SIL1: variants seen among roughly 807,000 people sequenced by gnomAD.
SIL1 encodes the protein nucleotide exchange factor SIL1.
Under a neutral mutation model 49.1 loss-of-function variants are expected in SIL1, and 40 were observed. That is an observed-to-expected ratio of 0.81 (90% CI 0.63 to 1.06). The LOEUF is 1.06. SIL1 is among the 50% of genes least tolerant of loss of function. The pLI, the probability that SIL1 is intolerant of heterozygous loss-of-function variation, is 0.00. For missense variants in SIL1, 500 were observed against 572.6 expected (o/e 0.87, Z 1.29); for synonymous variants, 253 against 250.8 (o/e 1.01, Z -0.08).
At chr5:139,112,001 C>T (rs1023083112) in intron 3 of SIL1, among the ~76,000 whole-genome samples, 7 of 152,258 alleles carry the variant, frequency 4.6e-5, no homozygotes, top group African/African-American at 1.7e-4. Context: ...CGCGCCGCCA[C>T]GCCTGACTGG....
At chr5:139,155,791 C>T (rs1234279926) in intron 1 of SIL1, among the ~76,000 whole-genome samples, 2 of 151,930 alleles carry the variant, frequency 1.3e-5, no homozygotes, top group African/African-American at 4.8e-5. Context: ...CCCCAGGGCA[C>T]AGGAGGCCAA....
chr5:139,142,478 G>A (rs1416571506), intron 1 of SIL1, among the ~76,000 whole-genome samples: 2 of 152,046 alleles, frequency 1.3e-5, no homozygotes, highest in African/African-American at 4.8e-5. Flanking sequence ...ATACAAGAGT[G>A]GCTCAACATA....
At chr5:139,148,846 C>T (rs1751241807) in intron 1 of SIL1, among the ~76,000 whole-genome samples, 1 of 152,188 alleles carries the variant, frequency 6.6e-6, no homozygotes, top group Non-Finnish European at 1.5e-5. Context: ...TCTATTTTGC[C>T]TAAAGGGCTT....
chr5:139,132,574 G>A (rs1196503016), intron 1 of SIL1, among the ~76,000 whole-genome samples: 2 of 152,182 alleles, frequency 1.3e-5, no homozygotes, highest in Admixed American at 1.3e-4. Context: ...AGAGGGATGG[G>A]GAGATTGAGA....
intron 3 of SIL1, among the ~76,000 whole-genome samples, chr5:139,082,399 A>G (rs1278642986): frequency 6.6e-6 from 1 of 152,202 alleles, no homozygotes; most frequent in African/African-American, 2.4e-5. Flanking sequence ...AATCCTGACT[A>G]GCTGTCAACA....
In SIL1 at chr5:139,193,604, A is replaced by G. The variant is rs538128103; in HGVS notation, c.-11+4665T>C. On this transcript the variant is annotated intron_variant, in intron 1 of 9. Transcript: ENST00000394817. ...CCACTGGGGAGTAGACAATTAAGGG[A>G]AAAAAAGTCTCAAAATATGATAATG... Among the ~76,000 whole-genome samples, 12 of 152,284 alleles carry G rather than the reference A, an allele frequency of 7.9e-5. No homozygotes were observed. In the South Asian group the frequency reaches 1.9e-3, roughly 24 times the overall value.
At chr5:139,030,441 T>C (rs962140712) in intron 5 of SIL1, among the ~76,000 whole-genome samples, 2 of 151,642 alleles carry the variant, frequency 1.3e-5, no homozygotes, top group Non-Finnish European at 2.9e-5. Flanking sequence ...CATACCACTG[T>C]ACTCCCGTGT....
At chr5:139,058,260 G>A (rs1392187927) in intron 3 of SIL1, among the ~76,000 whole-genome samples, 1 of 151,982 alleles carries the variant, frequency 6.6e-6, no homozygotes, top group Non-Finnish European at 1.5e-5. Context: ...GCTGTGGGAA[G>A]GAAGGAATGA....
intron 7 of SIL1, among the ~76,000 whole-genome samples, chr5:139,002,372 T>C (rs1423006444): frequency 6.6e-6 from 1 of 152,204 alleles, no homozygotes; most frequent in Non-Finnish European, 1.5e-5. Flanking sequence ...TTTTAGTTTA[T>C]TAAATCTGGG....
At chr5:138,997,289 TTTTGA>T (rs767979677) in intron 7 of SIL1, among the ~76,000 whole-genome samples, 4 of 152,152 alleles carry the variant, frequency 2.6e-5, no homozygotes, top group Non-Finnish European at 4.4e-5. Context: ...CTGTAATCCA[TTTTGA>T]TTTGATTTTT....
chr5:139,184,650 G>C (rs1752046935), intron 1 of SIL1, among the ~76,000 whole-genome samples: 1 of 152,008 alleles, frequency 6.6e-6, no homozygotes, highest in Admixed American at 6.6e-5. Flanking sequence ...CTCCAGCCTG[G>C]GTGTGAGTGA....
At chr5:139,020,066 G>A (rs981900747) in intron 7 of SIL1, among the ~76,000 whole-genome samples, 1 of 152,172 alleles carries the variant, frequency 6.6e-6, no homozygotes, top group African/African-American at 2.4e-5. Context: ...GGGAGACTTT[G>A]GTTCTGGGAG....
At chr5:139,164,144 T>C (rs1217152705) in intron 1 of SIL1, among the ~76,000 whole-genome samples, 2 of 148,916 alleles carry the variant, frequency 1.3e-5, no homozygotes, top group Non-Finnish European at 1.5e-5. Flanking sequence ...GATATTATCA[T>C]CTCCATTTTA....
intron 1 of SIL1, among the ~76,000 whole-genome samples, chr5:139,160,148 C>T (rs1486309080): frequency 1.2e-4 from 6 of 50,038 alleles, no homozygotes; most frequent in Admixed American, 4.4e-4. Context: ...CACAATCACA[C>T]ACACACACAC....
At chr5:139,078,176 G>A (rs898691977) in intron 3 of SIL1, among the ~76,000 whole-genome samples, 2 of 152,172 alleles carry the variant, frequency 1.3e-5, no homozygotes, top group African/African-American at 4.8e-5. Context: ...AAGCCTGGTG[G>A]CTCACATCTG....
chr5:139,043,177 G>T (rs1166107247), intron 4 of SIL1, among the ~76,000 whole-genome samples: 2 of 152,196 alleles, frequency 1.3e-5, no homozygotes, highest in Non-Finnish European at 1.5e-5. Context: ...AGACGCAGCT[G>T]AAAATGGGAT....
intron 1 of SIL1, among the ~76,000 whole-genome samples, chr5:139,139,270 G>C (rs1751035326): frequency 6.6e-6 from 1 of 152,184 alleles, no homozygotes; most frequent in Non-Finnish European, 1.5e-5. Flanking sequence ...AAGAACACCA[G>C]GGACTTTCAC....
intron 4 of SIL1, among the ~76,000 whole-genome samples, chr5:139,049,462 C>T (rs780898061): frequency 6.6e-6 from 1 of 152,032 alleles, no homozygotes; most frequent in East Asian, 1.9e-4. Flanking sequence ...CAGGTGTGAG[C>T]CACCACGCCC....
At chr5:138,997,975 T>C (rs1433008) in intron 7 of SIL1, among the ~76,000 whole-genome samples, 63,195 of 152,018 alleles carry the variant, frequency 0.42, 13,894 homozygotes, top group African/African-American at 0.57. Context: ...TTTAGAATCG[T>C]CTCTTTTATT....
Sources: allele counts gnomAD v4.1 joint callset (sites outside exome capture counted in the v4.1 genomes callset), GRCh38; gene constraint gnomAD v4.1.1; transcripts MANE v1.5; gene names NCBI Gene and HGNC (gene_info 2026-07-23, HGNC 2026-07-21).